Variants in ACACA observed in about 807,000 individuals in gnomAD.
ACACA encodes acetyl-CoA carboxylase alpha.
In ACACA, 103 loss-of-function variants were observed where a neutral mutation model predicts 296.1. The observed-to-expected ratio is 0.35, with a 90% CI of 0.30 to 0.41. The LOEUF is 0.41. ACACA is among the 10% of genes least tolerant of loss of function. The probability of loss-of-function intolerance (pLI) is 1.00; values close to 1 mark genes in which losing one functional copy is unlikely to be tolerated. For missense variants in ACACA, 1,554 were observed against 2,989.7 expected (o/e 0.52, Z 11.20); for synonymous variants, 953 against 1,038.6 (o/e 0.92, Z 1.58).
chr17:37,376,544 T>G (rs2050010374), intron 1 of ACACA, among the ~76,000 whole-genome samples: 1 of 152,108 alleles, frequency 6.6e-6, no homozygotes, highest in South Asian at 2.1e-4. Flanking sequence ...TATTCTTGGG[T>G]GGGGAGAGCT....
rs10668354 is a variant in ACACA, at chr17:37,244,369, G to GA, written c.2742+218dup. On this transcript the variant is annotated intron_variant, in intron 21 of 55. Coordinates refer to ENST00000616317, the MANE Select transcript of ACACA (RefSeq NM_198834.3). ...CAACAGAGCAAGACTCCGTCTCGAG[G>GA]AAAAAAAAAAAGGAGTAATCACAAT... Among the ~76,000 whole-genome samples, 1,250 of 144,194 alleles carry GA rather than the reference G, an allele frequency of 8.7e-3. 13 individuals carry two copies. The highest frequency in any genetic ancestry group is 0.03 in the African/African-American group (1,165 of 39,390). 94.6% of individuals were successfully genotyped at this position (144,194 alleles called of 152,430 possible).
Position 37,282,344 on chromosome 17 carries a change from C to T in ACACA, c.610+923G>A, listed in dbSNP as rs141492266. ...CCCAGAAGCAGAGCAGATGCCAGCA[C>T]CATGCTTCCTGTAAAGCCTGTAGAA... is the stretch of plus-strand genomic sequence containing the variant. On this transcript the variant is annotated intron_variant, in intron 5 of 55. Coordinates refer to ENST00000616317, the MANE Select transcript of ACACA (RefSeq NM_198834.3). Among the ~76,000 whole-genome samples the T allele has an allele frequency of 7.8e-3, 1,184 of 152,336 alleles. 13 individuals are homozygous for T. Among genetic ancestry groups the T allele is most frequent in the African/African-American group, 0.027 (1,119 of 41,568 alleles).
chr17:37,383,437 C>G (rs2050391685), intron 1 of ACACA, among the ~76,000 whole-genome samples: 1 of 152,194 alleles, frequency 6.6e-6, no homozygotes, highest in South Asian at 2.1e-4. Context: ...AGCTAATACT[C>G]TGTACTATTT....
At chr17:37,095,194 A>G in intron 54 of ACACA, among the ~76,000 whole-genome samples, 1 of 152,126 alleles carries the variant, frequency 6.6e-6, no homozygotes, top group Non-Finnish European at 1.5e-5. Context: ...ACACACATAC[A>G]CACACACTCC....
In ACACA at chr17:37,114,000, C is replaced by A. The variant is rs981010356; in HGVS notation, c.6275-735G>T. ...ATGAGAAGAACAGACCCAACCAGGG[C>A]AGCATAGTGAGAACCTGTCTCTACA... On this transcript the variant is annotated intron_variant, in intron 50 of 55. Coordinates refer to ENST00000616317, the MANE Select transcript of ACACA (RefSeq NM_198834.3). This position sits in a 1 kb window ranked among gnomAD's most constrained non-coding sequence, Gnocchi z 4.0. 8.5e-5 allele frequency among the ~76,000 whole-genome samples: 13 copies of A among 152,092 alleles called. No individual in the cohort carries two copies. Among genetic ancestry groups the A allele is most frequent in the African/African-American group, 2.7e-4 (11 of 41,420 alleles).
intron 3 of ACACA, among the ~76,000 whole-genome samples, chr17:37,306,818 C>T (rs2083907072): frequency 6.6e-6 from 1 of 152,032 alleles, no homozygotes; most frequent in Admixed American, 6.6e-5. Flanking sequence ...CCTCAGCCTT[C>T]CAAGTAGCTG....
At position 37,271,278 on chromosome 17, in the gene ACACA, G is replaced by T. The variant is rs148204198; in HGVS notation, c.1009-417C>A. Among the ~76,000 whole-genome samples the T allele has an allele frequency of 7.0e-3, 1,061 of 152,316 alleles. 7 individuals are homozygous for T. Among genetic ancestry groups the T allele is most frequent in the Middle Eastern group, 0.051 (15 of 294 alleles). ...CGCCTGTAATCACAGCACTTTGGGA[G>T]GCCAAGGCGGGCGGATCACCTGAGG... is the stretch of plus-strand genomic sequence containing the variant. On this transcript the variant is annotated intron_variant, in intron 9 of 55. Transcript: ENST00000616317.
chr17:37,393,544 A>G (rs2050968431), intron 1 of ACACA, among the ~76,000 whole-genome samples: 1 of 152,020 alleles, frequency 6.6e-6, no homozygotes, highest in African/African-American at 2.4e-5. Context: ...CAACTCTTCT[A>G]CAAGAGTATA....
intron 42 of ACACA, among the ~76,000 whole-genome samples, chr17:37,159,179 TA>T (rs922621989): frequency 1.2e-4 from 17 of 146,984 alleles, no homozygotes; most frequent in African/African-American, 2.0e-4. Flanking sequence ...CCCTGTCTCT[TA>T]AAAAAAAAAG....
intron 20 of ACACA, 44 bp from the exon 21 acceptor site, chr17:37,244,778 C>G: frequency 6.2e-7 from 1 of 1,613,078 alleles, no homozygotes; most frequent in Non-Finnish European, 8.5e-7. Context: ...TACTTTTGAT[C>G]TAAGGTACAA....
At chr17:37,169,262 T>C (rs1376476969) in intron 41 of ACACA, among the ~76,000 whole-genome samples, 3 of 152,192 alleles carry the variant, frequency 2.0e-5, no homozygotes, top group Non-Finnish European at 4.4e-5. Context: ...AGAAGCACCA[T>C]AGCCATTTCC....
At position 37,087,006 on chromosome 17, in the gene ACACA, T is replaced by C; in HGVS notation, c.*310A>G. On this transcript the variant is annotated 3_prime_UTR_variant, in exon 56 of 56. Transcript: ENST00000616317. ...CAGGACAGGAGGGGCAGCCCTACTTTGGTTAGTAAGACCTCATGGTACATG... is the reference window on the plus strand; with the variant it reads ...CAGGACAGGAGGGGCAGCCCTACTTCGGTTAGTAAGACCTCATGGTACATG... 2 of 441,202 alleles carry C rather than the reference T, an allele frequency of 4.5e-6. No homozygotes were observed. Among genetic ancestry groups the C allele is most frequent in the Non-Finnish European group, 8.5e-6 (2 of 236,240 alleles). 27.3% of individuals were successfully genotyped at this position (441,202 alleles called of 1,614,324 possible). A position where few individuals can be genotyped will look rare whatever the true frequency, so the allele number is the denominator to read the frequency against.
rs184202779 is a variant in ACACA at position 37,086,677 on chromosome 17, T to C, written c.*639A>G. ...AATAACTGGTTCTATTTTCTTTCTC[T>C]GCTTCTTGGCTCACAGTTTTGCCCT... is the stretch of plus-strand genomic sequence containing the variant. On this transcript the variant is annotated 3_prime_UTR_variant, in exon 56 of 56. Transcript: ENST00000616317. 285 of 154,000 alleles carry C rather than the reference T, an allele frequency of 1.9e-3. 2 individuals carry two copies. The highest frequency in any genetic ancestry group is 0.014 in the Middle Eastern group (4 of 294). The allele number at this position is 154,000 out of a possible 1,614,324, so 9.5% of individuals were successfully genotyped here.
intron 5 of ACACA, 86 bp from the exon 6 acceptor site, chr17:37,278,091 G>C: frequency 1.0e-6 from 1 of 995,284 alleles, no homozygotes; most frequent in Non-Finnish European, 1.6e-6. Flanking sequence ...AAAGGTCAGG[G>C]ACTATCATAA....
chr17:37,185,402 CTTTTTTTTTTTT>C lies in ACACA; in HGVS notation c.4776+2863_4776+2874del, dbSNP rs67821579. Among the ~76,000 whole-genome samples the C allele has an allele frequency of 5.6e-4, 27 of 48,442 alleles. No homozygotes were observed. The East Asian group carries it at 8.3e-3, about 15-fold the overall frequency. The allele number at this position is 48,442 out of a possible 152,430, so 31.8% of individuals were successfully genotyped here. ...TGCATGACACCATGCCTGGCTATTT[CTTTTTTTTTTTT>C]TTTTTTTTTTTTTTTTGGTAGAGAC... is the stretch of plus-strand genomic sequence containing the variant. On this transcript the variant is annotated intron_variant, in intron 39 of 55. Coordinates refer to ENST00000616317, the MANE Select transcript of ACACA (RefSeq NM_198834.3).
At chr17:37,346,082 G>A (rs1278697994) in intron 1 of ACACA, among the ~76,000 whole-genome samples, 5 of 151,562 alleles carry the variant, frequency 3.3e-5, no homozygotes, top group Non-Finnish European at 7.4e-5. Context: ...TATCTCTAGA[G>A]GAAAAAAAAC....
At chr17:37,098,111 G>A (rs1030220575) in intron 52 of ACACA, 127 bp from the exon 53 acceptor site, 21 of 1,178,926 alleles carry the variant, frequency 1.8e-5, no homozygotes, top group South Asian at 4.9e-5. Context: ...CTGGCTCTCC[G>A]TTGTCTTCTC....
intron 1 of ACACA, among the ~76,000 whole-genome samples, chr17:37,352,497 G>C (rs1350780437): frequency 6.6e-6 from 1 of 151,984 alleles, no homozygotes; most frequent in Admixed American, 6.6e-5. Flanking sequence ...AAGATCGCTT[G>C]AGCCCAGGAG....
At chr17:37,360,249 C>A (rs1022583854) in intron 1 of ACACA, 3 of 152,134 alleles carry the variant, frequency 2.0e-5, no homozygotes, top group Non-Finnish European at 2.9e-5. Context: ...GCATGCAGCG[C>A]ACCTTCTTAA....
Sources: allele counts gnomAD v4.1 joint callset (sites outside exome capture counted in the v4.1 genomes callset), GRCh38; gene constraint gnomAD v4.1.1; non-coding constraint Gnocchi (gnomAD v3.1); transcripts MANE v1.5; gene names NCBI Gene and HGNC (gene_info 2026-07-23, HGNC 2026-07-21).